Variants in CALN1 observed in about 807,000 individuals in gnomAD.
The protein encoded by CALN1 is calneuron 1.
In CALN1, 17 loss-of-function variants were observed where a neutral mutation model predicts 30.6. The observed-to-expected ratio is 0.56, with a 90% CI of 0.38 to 0.83. CALN1 has a LOEUF of 0.83. Ranked by LOEUF, CALN1 falls within the 40% of genes least tolerant of loss-of-function variation. CALN1 has a pLI of 0.00. For missense variants in CALN1, 291 were observed against 354.9 expected (o/e 0.82, Z 1.45); for synonymous variants, 156 against 131.4 (o/e 1.19, Z -1.28).
At position 71,943,121 on chromosome 7, in the gene CALN1, G is replaced by C. The variant is rs114215111; in HGVS notation, c.501+80536C>G. ...CAACCACCTCGGGCACATGTCGCCA[G>C]GACCTCCTGAGGCTGTGTCACGGGT... is the stretch of plus-strand genomic sequence containing the variant. On this transcript the variant is annotated intron_variant, in intron 5 of 6. Coordinates refer to ENST00000395275, the MANE Select transcript of CALN1 (RefSeq NM_031468.4). Among the ~76,000 whole-genome samples, 425 of 136,746 alleles carry C rather than the reference G, an allele frequency of 3.1e-3. 1 individual carries two copies. Among genetic ancestry groups the C allele is most frequent in the African/African-American group, 0.012 (403 of 34,788 alleles). The allele number at this position is 136,746 out of a possible 152,430, so 89.7% of individuals were successfully genotyped here. A position where few individuals can be genotyped will look rare whatever the true frequency, so the allele number is the denominator to read the frequency against.
At chr7:72,485,897 T>C in the CALN1 span, among the ~76,000 whole-genome samples, 1 of 152,190 alleles carries the variant, frequency 6.6e-6, no homozygotes, top group Non-Finnish European at 1.5e-5. Context: ...TAACTGTTAC[T>C]GGACTAAATG....
intron 2 of CALN1, among the ~76,000 whole-genome samples, chr7:72,323,483 A>T (rs1037614968): frequency 6.6e-6 from 1 of 151,926 alleles, no homozygotes; most frequent in African/African-American, 2.4e-5. Context: ...AACATAGTGA[A>T]ATCCCGCCTC....
At chr7:71,876,624 G>T (rs372054730) in intron 5 of CALN1, among the ~76,000 whole-genome samples, 4 of 152,082 alleles carry the variant, frequency 2.6e-5, no homozygotes, top group African/African-American at 4.8e-5. Flanking sequence ...ACTTGGTAAG[G>T]GGGGGAGAAT....
chr7:72,390,802 GTTA>G (rs1009313955), intron 2 of CALN1, among the ~76,000 whole-genome samples: 14 of 152,130 alleles, frequency 9.2e-5, no homozygotes, highest in African/African-American at 3.4e-4. Flanking sequence ...AAGCACATGT[GTTA>G]TTATATCAAC....
At chr7:72,146,644 A>T (rs1251503172) in intron 3 of CALN1, among the ~76,000 whole-genome samples, 1 of 152,222 alleles carries the variant, frequency 6.6e-6, no homozygotes, top group African/African-American at 2.4e-5. Context: ...GAACCAAAAA[A>T]GAGCCCACAT....
chr7:71,907,155 A>G (rs1192843454), intron 5 of CALN1, among the ~76,000 whole-genome samples: 1 of 151,988 alleles, frequency 6.6e-6, no homozygotes, highest in Non-Finnish European at 1.5e-5. Flanking sequence ...CATTTAAGTG[A>G]TTGTTCCACT....
intron 5 of CALN1, among the ~76,000 whole-genome samples, chr7:71,974,723 C>T (rs1798017555): frequency 6.6e-6 from 1 of 152,174 alleles, no homozygotes; most frequent in African/African-American, 2.4e-5. Flanking sequence ...TTGGAAAGTG[C>T]AGCCACAGAC....
intron 2 of CALN1, among the ~76,000 whole-genome samples, chr7:72,335,757 T>C (rs1801980835): frequency 6.6e-6 from 1 of 152,158 alleles, no homozygotes; most frequent in South Asian, 2.1e-4. Flanking sequence ...TGGGAAACGA[T>C]GGTGGGCTGG....
intron 3 of CALN1, among the ~76,000 whole-genome samples, chr7:72,221,328 T>C (rs1238328991): frequency 6.8e-6 from 1 of 147,842 alleles, no homozygotes; most frequent in East Asian, 2.0e-4. Context: ...TTTTTTTTTT[T>C]TTTTTTTGAG....
intron 5 of CALN1, among the ~76,000 whole-genome samples, chr7:71,832,408 C>G (rs2116425563): frequency 6.6e-6 from 1 of 152,232 alleles, no homozygotes; most frequent in East Asian, 1.9e-4. Flanking sequence ...TAAGGAGATG[C>G]CTTTTTGCTT....
chr7:72,483,931 T>A, the CALN1 span, among the ~76,000 whole-genome samples: 5 of 152,214 alleles, frequency 3.3e-5, no homozygotes, highest in African/African-American at 1.2e-4. Flanking sequence ...AAATTTGGTT[T>A]AAAATTTTTT....
At chr7:72,397,887 G>A (rs1190270411) in intron 2 of CALN1, among the ~76,000 whole-genome samples, 1 of 152,134 alleles carries the variant, frequency 6.6e-6, no homozygotes. Context: ...AGCCAAGGAT[G>A]AGCTTGATGA....
chr7:71,913,076 G>A (rs892844092), intron 5 of CALN1, among the ~76,000 whole-genome samples: 2 of 152,120 alleles, frequency 1.3e-5, no homozygotes, highest in Non-Finnish European at 2.9e-5. Context: ...TATCTACTTC[G>A]TCAACTTTAA....
intron 5 of CALN1, among the ~76,000 whole-genome samples, chr7:71,853,145 T>C (rs1790747602): frequency 6.6e-6 from 1 of 151,846 alleles, no homozygotes. Context: ...GGTGCAGTCA[T>C]AGCTCACAGC....
chr7:72,150,736 G>C (rs1252210389), intron 3 of CALN1, among the ~76,000 whole-genome samples: 1 of 152,160 alleles, frequency 6.6e-6, no homozygotes, highest in African/African-American at 2.4e-5. Flanking sequence ...CCTTCTGTGT[G>C]TCTCAGTTTT....
At chr7:71,890,449 C>T (rs745747186) in intron 5 of CALN1, among the ~76,000 whole-genome samples, 1 of 152,206 alleles carries the variant, frequency 6.6e-6, no homozygotes, top group African/African-American at 2.4e-5. Context: ...CAAACAGTTC[C>T]TGGGCTTCTG....
At chr7:72,115,446 T>C (rs1033046045) in intron 3 of CALN1, among the ~76,000 whole-genome samples, 6 of 150,172 alleles carry the variant, frequency 4.0e-5, no homozygotes, top group South Asian at 4.2e-4. Flanking sequence ...TGTTAAGTGT[T>C]CAGTTCAGTA....
At chr7:72,155,727 T>C (rs917388816) in intron 3 of CALN1, among the ~76,000 whole-genome samples, 22 of 152,286 alleles carry the variant, frequency 1.4e-4, no homozygotes, top group Middle Eastern at 3.4e-3. Flanking sequence ...CCTAACTCTA[T>C]GGCTTAAAAC....
intron 3 of CALN1, among the ~76,000 whole-genome samples, chr7:72,114,754 G>A (rs1229259031): frequency 6.6e-6 from 1 of 151,948 alleles, no homozygotes; most frequent in Non-Finnish European, 1.5e-5. Context: ...CACACTTTGG[G>A]AAGCCGAGGT....
Sources: gnomAD v4.1 joint callset for allele counts (sites outside exome capture counted in the v4.1 genomes callset) on GRCh38, gnomAD v4.1.1 for gene constraint, MANE v1.5 for transcripts, NCBI Gene and HGNC (gene_info 2026-07-23, HGNC 2026-07-21) for gene names.